The following AFAP1 variants were observed in gnomAD, a reference collection of about 807,000 sequenced individuals.
AFAP1 encodes the protein actin filament-associated protein 1.
AFAP1 carries 75 observed loss-of-function variants against 93.9 expected under a neutral mutation model. The observed-to-expected ratio is 0.80, with a 90% CI of 0.66 to 0.97. The LOEUF is 0.97. Among genes scored for constraint, AFAP1 ranks in the 50% least tolerant of loss-of-function variants. AFAP1 has a pLI of 0.00. For synonymous variants in AFAP1, 517 were observed against 430.7 expected (o/e 1.20, Z -2.48); for missense variants, 1,201 against 1,050.8 (o/e 1.14, Z -1.98).
chr4:7,897,358 G>A (rs769387339), intron 1 of AFAP1, among the ~76,000 whole-genome samples: 20 of 152,300 alleles, frequency 1.3e-4, no homozygotes, highest in Middle Eastern at 3.4e-3. Flanking sequence ...ATATAAATGA[G>A]CTGAACACAC....
intron 1 of AFAP1, among the ~76,000 whole-genome samples, chr4:7,901,653 T>C (rs776662170): frequency 1.3e-5 from 2 of 152,194 alleles, no homozygotes; most frequent in African/African-American, 4.8e-5. Flanking sequence ...GGGAAGGACC[T>C]GTGATGAGAA....
At chr4:7,924,508 A>G (rs541577376) in intron 1 of AFAP1, among the ~76,000 whole-genome samples, 2 of 152,362 alleles carry the variant, frequency 1.3e-5, no homozygotes, top group African/African-American at 4.8e-5. Flanking sequence ...TAAATCTTCA[A>G]GATAAATGGC....
intron 1 of AFAP1, among the ~76,000 whole-genome samples, chr4:7,877,863 G>C (rs1452533732): frequency 2.6e-5 from 4 of 152,166 alleles, no homozygotes; most frequent in Non-Finnish European, 5.9e-5. Flanking sequence ...TAACCTTAGA[G>C]GTAGCACAAT....
intron 6 of AFAP1, among the ~76,000 whole-genome samples, chr4:7,831,636 C>A (rs1038755622): frequency 1.3e-5 from 2 of 152,142 alleles, no homozygotes; most frequent in Non-Finnish European, 2.9e-5. Context: ...TCATGTCAGA[C>A]CAGCACCAGC....
intron 1 of AFAP1, among the ~76,000 whole-genome samples, chr4:7,883,796 T>C (rs1369964152): frequency 6.6e-6 from 1 of 152,162 alleles, no homozygotes; most frequent in Admixed American, 6.5e-5. Flanking sequence ...TAAAACTTGA[T>C]TGAAAGATGA....
At chr4:7,775,885 A>G (rs1035508866) in intron 14 of AFAP1, 2 of 152,270 alleles carry the variant, frequency 1.3e-5, no homozygotes, top group African/African-American at 4.8e-5. Flanking sequence ...CATAAAATGA[A>G]TAAATGAAGA....
At chr4:7,794,860 G>T (rs1718242576) in intron 10 of AFAP1, among the ~76,000 whole-genome samples, 2 of 152,048 alleles carry the variant, frequency 1.3e-5, no homozygotes, top group Non-Finnish European at 2.9e-5. Context: ...TAGAAAATCA[G>T]TTACATTTTT....
chr4:7,828,458 C>T (rs1477678646), intron 6 of AFAP1, among the ~76,000 whole-genome samples: 1 of 152,224 alleles, frequency 6.6e-6, no homozygotes, highest in East Asian at 1.9e-4. Context: ...GTCTCTCAGC[C>T]TCCCCCACAG....
chr4:7,930,224 G>A (rs1029666411), intron 1 of AFAP1, among the ~76,000 whole-genome samples: 3 of 152,198 alleles, frequency 2.0e-5, no homozygotes, highest in Non-Finnish European at 4.4e-5. Context: ...GCACACCACG[G>A]GGCAGGGAGG....
At chr4:7,903,434 C>A (rs1300310389) in intron 1 of AFAP1, among the ~76,000 whole-genome samples, 1 of 152,222 alleles carries the variant, frequency 6.6e-6, no homozygotes, top group Non-Finnish European at 1.5e-5. Flanking sequence ...AATCTCAGCA[C>A]TTTGGGAGGC....
chr4:7,830,635 G>T (rs140095600), intron 6 of AFAP1, among the ~76,000 whole-genome samples: 2 of 152,006 alleles, frequency 1.3e-5, no homozygotes, highest in Admixed American at 1.3e-4. Flanking sequence ...TAGAGACAAG[G>T]TCTCATTCTG....
At chr4:7,804,631 T>C (rs1279835641) in intron 9 of AFAP1, among the ~76,000 whole-genome samples, 1 of 152,212 alleles carries the variant, frequency 6.6e-6, no homozygotes, top group African/African-American at 2.4e-5. Context: ...TTCCGGCAGC[T>C]GCAGAAGAGC....
Position 7,868,722 on chromosome 4 carries a change from G to GT in AFAP1, c.128-4dup, listed in dbSNP as rs760332899. 1.5e-5 allele frequency: 24 copies of GT among 1,612,882 alleles called. No homozygotes were observed. The South Asian group carries it at 2.6e-4, about 18-fold the overall frequency. ...AGCATGGTCCTTCACATCAAAACCT[G>GT]TAAGAATTAACCAGAACCACAGAAC... is the stretch of plus-strand genomic sequence containing the variant. On this transcript the variant is annotated splice_region_variant and splice_polypyrimidine_tract_variant and intron_variant, in intron 2 of 17. Coordinates refer to ENST00000420658, the MANE Select transcript of AFAP1 (RefSeq NM_001134647.2).
chr4:7,923,929 T>C (rs1720573073), intron 1 of AFAP1, among the ~76,000 whole-genome samples: 1 of 152,214 alleles, frequency 6.6e-6, no homozygotes, highest in Admixed American at 6.5e-5. Context: ...ATTCAGTTTA[T>C]AACAATGTCT....
rs541403537 is a variant in AFAP1 at position 7,804,545 on chromosome 4, G to C, written c.1055-3892C>G. Among the ~76,000 whole-genome samples, 5 of 152,180 alleles carry C rather than the reference G, an allele frequency of 3.3e-5. No individual in the cohort carries two copies. The East Asian group carries it at 7.7e-4, about 24-fold the overall frequency. ...ACAAACAAAAAATACAGATGGAGGG[G>C]AACAGATATAAACCCTCCCGGTCAG... On this transcript the variant is annotated intron_variant, in intron 9 of 17. Transcript: ENST00000420658.
intron 15 of AFAP1, 65 bp downstream of exon 15, chr4:7,774,674 C>A: frequency 6.4e-7 from 1 of 1,564,236 alleles, no homozygotes; most frequent in Middle Eastern, 1.9e-4. Flanking sequence ...TTGGGCAAAG[C>A]AGAATGAAAT....
At chr4:7,779,027 G>T (rs1716465399) in intron 13 of AFAP1, 151 bp from the exon 14 acceptor site, 1 of 631,820 alleles carries the variant, frequency 1.6e-6, no homozygotes, top group Non-Finnish European at 2.7e-6. Context: ...AGAAAACCAA[G>T]ATGGTTTCCA....
chr4:7,873,342 C>CTTTTTTTTTTTTTTT lies in AFAP1; in HGVS notation c.-2-1277_-2-1263dup, dbSNP rs1158765422. ...TTAAATCTAACCTTTGAAGACACACCTTTTTTTTTTTTTTTTTTTTTTTTT... is the reference window on the plus strand; with the variant it reads ...TTAAATCTAACCTTTGAAGACACACCTTTTTTTTTTTTTTTTTTTTTTTTTTTTTTTTTTTTTTTT... On this transcript the variant is annotated intron_variant, in intron 1 of 17. Transcript: ENST00000420658. Among the ~76,000 whole-genome samples the CTTTTTTTTTTTTTTT allele has an allele frequency of 3.9e-4, 20 of 50,998 alleles. 6 individuals are homozygous for CTTTTTTTTTTTTTTT. Among genetic ancestry groups the CTTTTTTTTTTTTTTT allele is most frequent in the African/African-American group, 1.2e-3 (16 of 13,796 alleles). 33.5% of individuals were successfully genotyped at this position (50,998 alleles called of 152,430 possible).
At chr4:7,790,422 C>T (rs1441892354) in intron 11 of AFAP1, among the ~76,000 whole-genome samples, 2 of 152,178 alleles carry the variant, frequency 1.3e-5, no homozygotes, top group Non-Finnish European at 2.9e-5. Flanking sequence ...GATTAATACT[C>T]TAGTCATTTA....
Sources: gnomAD v4.1 joint callset for allele counts (sites outside exome capture counted in the v4.1 genomes callset) on GRCh38, gnomAD v4.1.1 for gene constraint, MANE v1.5 for transcripts, NCBI Gene and HGNC (gene_info 2026-07-23, HGNC 2026-07-21) for gene names.